The following SLCO5A1 variants were observed in gnomAD, a reference collection of about 807,000 sequenced individuals.
SLCO5A1 encodes the protein organic anion transporter polypeptide-related protein 4.
Under a neutral mutation model 65.1 loss-of-function variants are expected in SLCO5A1, and 39 were observed. The observed-to-expected ratio is 0.60, with a 90% CI of 0.46 to 0.78. SLCO5A1 has a LOEUF of 0.78. Ranked by LOEUF, SLCO5A1 falls within the 30% of genes least tolerant of loss-of-function variation. The pLI is 0.00. For missense variants in SLCO5A1, 1,029 were observed against 1,069.4 expected (o/e 0.96, Z 0.53); for synonymous variants, 438 against 415.7 (o/e 1.05, Z -0.65).
rs1586827160 is a variant in SLCO5A1 at position 69,812,854 on chromosome 8, T to C, written c.907+18913A>G. On this transcript the variant is annotated intron_variant, in intron 2 of 9. Coordinates refer to ENST00000260126, the MANE Select transcript of SLCO5A1 (RefSeq NM_030958.3). The stretch of plus-strand genomic sequence containing the variant: ...CATTTTGTTAGATTTATGTATATCT[T>C]TAAGGAAGTCTTTCTCATAGGTAAT... Among the ~76,000 whole-genome samples, 3 of 152,330 alleles carry C rather than the reference T, an allele frequency of 2.0e-5. No homozygotes were observed. In the East Asian group the frequency reaches 5.8e-4, roughly 29 times the overall value.
At chr8:69,727,827 G>A (rs1816151329) in intron 5 of SLCO5A1, among the ~76,000 whole-genome samples, 1 of 152,232 alleles carries the variant, frequency 6.6e-6, no homozygotes, top group African/African-American at 2.4e-5. Flanking sequence ...TGGGAAGGAT[G>A]AGGCCTGAGT....
chr8:69,819,955 T>G (rs1466850455), intron 2 of SLCO5A1, among the ~76,000 whole-genome samples: 1 of 152,074 alleles, frequency 6.6e-6, no homozygotes, highest in Non-Finnish European at 1.5e-5. Context: ...AGAGCAAGAC[T>G]CCATCTCAAA....
At position 69,788,862 on chromosome 8, in the gene SLCO5A1, T is replaced by C. The variant is rs150185495; in HGVS notation, c.908-26987A>G. On this transcript the variant is annotated intron_variant, in intron 2 of 9. Coordinates refer to ENST00000260126, the MANE Select transcript of SLCO5A1 (RefSeq NM_030958.3). ...ATCTAAAATTATCTTCTCACAAATA[T>C]GAAAGTCTTTGCTATTGCAAATGTC... Among the ~76,000 whole-genome samples, 1,049 of 152,302 alleles carry C rather than the reference T, an allele frequency of 6.9e-3. 20 individuals carry two copies. The highest frequency in any genetic ancestry group is 0.024 in the African/African-American group (998 of 41,556).
chr8:69,762,184 TTCTTTC>T lies in SLCO5A1; in HGVS notation c.908-315_908-310del, dbSNP rs1202521792. 1.1e-3 allele frequency among the ~76,000 whole-genome samples: 129 copies of T among 112,826 alleles called. 1 individual carries two copies. The highest frequency in any genetic ancestry group is 4.3e-3 in the African/African-American group (126 of 29,592). The allele number at this position is 112,826 out of a possible 152,430, so 74.0% of individuals were successfully genotyped here. On this transcript the variant is annotated intron_variant, in intron 2 of 9. Coordinates refer to ENST00000260126, the MANE Select transcript of SLCO5A1 (RefSeq NM_030958.3). ...TTTCTTTCTTTCTTTCTTTCTTTCT[TTCTTTC>T]TTTCTTTCTTTTTTGAGACAGAGTC...
At chr8:69,737,962 T>C in intron 5 of SLCO5A1, 78 bp downstream of exon 5, 1 of 1,482,774 alleles carries the variant, frequency 6.7e-7, no homozygotes, top group Admixed American at 2.0e-5. Flanking sequence ...CGATGTTAGA[T>C]TGAACTTTCT....
rs1491379381 is a variant in SLCO5A1 at position 69,802,521 on chromosome 8, A to AAC, written c.907+29245_907+29246insGT. Among the ~76,000 whole-genome samples, 362 of 51,306 alleles carry AAC rather than the reference A, an allele frequency of 7.1e-3. 2 individuals carry two copies. The highest frequency in any genetic ancestry group is 0.013 in the Non-Finnish European group (290 of 21,684). 33.7% of individuals were successfully genotyped at this position (51,306 alleles called of 152,430 possible). On this transcript the variant is annotated intron_variant, in intron 2 of 9. Coordinates refer to ENST00000260126, the MANE Select transcript of SLCO5A1 (RefSeq NM_030958.3). ...CAAGACCCTATTTCAAAAAAACACT[A>AAC]AAAAAAAAAAAAAAAAGTTTTAGTG...
chr8:69,682,581 C>G (rs1229566254), intron 6 of SLCO5A1, among the ~76,000 whole-genome samples: 3 of 152,054 alleles, frequency 2.0e-5, no homozygotes, highest in Admixed American at 2.0e-4. Context: ...AATTACTGCC[C>G]CACATCAATT....
At chr8:69,743,220 C>T (rs1816874611) in intron 4 of SLCO5A1, among the ~76,000 whole-genome samples, 2 of 152,146 alleles carry the variant, frequency 1.3e-5, no homozygotes. Context: ...TGATATAAGG[C>T]AGAAGGTATT....
At chr8:69,713,956 T>A (rs1443025195) in intron 5 of SLCO5A1, 1 of 152,228 alleles carries the variant, frequency 6.6e-6, no homozygotes, top group African/African-American at 2.4e-5. Context: ...GAAATAAGTA[T>A]CAACTACTGT....
chr8:69,783,171 T>C (rs1329935409), intron 2 of SLCO5A1, among the ~76,000 whole-genome samples: 1 of 152,170 alleles, frequency 6.6e-6, no homozygotes, highest in African/African-American at 2.4e-5. Context: ...ATTATTATTC[T>C]GAGACCTTGC....
chr8:69,689,850 A>C (rs546765841), intron 6 of SLCO5A1, among the ~76,000 whole-genome samples: 139 of 152,152 alleles, frequency 9.1e-4, no homozygotes, highest in African/African-American at 3.3e-3. Flanking sequence ...ATGAACTTTA[A>C]AGTAGTTTTT....
At chr8:69,770,219 TG>T (rs1175660108) in intron 2 of SLCO5A1, among the ~76,000 whole-genome samples, 1 of 152,216 alleles carries the variant, frequency 6.6e-6, no homozygotes, top group Non-Finnish European at 1.5e-5. Flanking sequence ...GCCAGCTTTA[TG>T]CTGTTACAAA....
intron 8 of SLCO5A1, among the ~76,000 whole-genome samples, chr8:69,677,145 G>A (rs1378893654): frequency 3.9e-5 from 6 of 152,082 alleles, no homozygotes; most frequent in Non-Finnish European, 8.8e-5. Context: ...AGAAAGAAGA[G>A]TAAAGAATAA....
intron 2 of SLCO5A1, among the ~76,000 whole-genome samples, chr8:69,799,229 G>A (rs953344406): frequency 2.2e-4 from 33 of 152,110 alleles, no homozygotes; most frequent in Non-Finnish European, 2.9e-5. Flanking sequence ...TTACTTTAGA[G>A]AAAAAGAATT....
chr8:69,790,864 A>C (rs893084020), intron 2 of SLCO5A1, among the ~76,000 whole-genome samples: 3 of 152,230 alleles, frequency 2.0e-5, no homozygotes, highest in African/African-American at 7.2e-5. Context: ...ACTGCTGCCC[A>C]GGAAGACTGA....
At chr8:69,748,381 T>C (rs1037306682) in intron 4 of SLCO5A1, among the ~76,000 whole-genome samples, 42 of 152,226 alleles carry the variant, frequency 2.8e-4, no homozygotes, top group African/African-American at 9.9e-4. Context: ...GAAAGAGCTT[T>C]CTTTTTCAGG....
intron 3 of SLCO5A1, among the ~76,000 whole-genome samples, chr8:69,756,554 G>T (rs1162059699): frequency 6.6e-6 from 1 of 152,130 alleles, no homozygotes; most frequent in Non-Finnish European, 1.5e-5. Flanking sequence ...AAAAATATAA[G>T]AAACCTCTAA....
At chr8:69,794,364 C>A in intron 2 of SLCO5A1, 1 of 428,840 alleles carries the variant, frequency 2.3e-6, no homozygotes, top group Non-Finnish European at 4.6e-6. Flanking sequence ...AACTGCTCTC[C>A]TACTATTTAT....
chr8:69,803,054 C>T (rs1306921332), intron 2 of SLCO5A1, among the ~76,000 whole-genome samples: 3 of 152,232 alleles, frequency 2.0e-5, no homozygotes, highest in South Asian at 2.1e-4. Context: ...ATTGGCTGGG[C>T]GCAGTGTCTC....
Sources: allele counts gnomAD v4.1 joint callset (sites outside exome capture counted in the v4.1 genomes callset), GRCh38; gene constraint gnomAD v4.1.1; transcripts MANE v1.5; gene names NCBI Gene and HGNC (gene_info 2026-07-23, HGNC 2026-07-21).